MERTK: variants seen among roughly 807,000 people sequenced by gnomAD.
MERTK encodes tyrosine-protein kinase Mer.
Under a neutral mutation model 99.3 loss-of-function variants are expected in MERTK, and 69 were observed. The ratio of observed to expected loss-of-function variants is 0.70; its 90% CI spans 0.57 to 0.85. MERTK has a LOEUF of 0.85. MERTK is among the 40% of genes least tolerant of loss of function. MERTK has a pLI of 0.00. For missense variants in MERTK, 1,125 were observed against 1,249.4 expected, an observed-to-expected ratio of 0.90 and a Z score of 1.50; for synonymous variants, 426 against 467.6, an observed-to-expected ratio of 0.91 and a Z score of 1.15.
At chr2:111,934,324 T>G (rs1298990044) in intron 2 of MERTK, among the ~76,000 whole-genome samples, 1 of 152,224 alleles carries the variant, frequency 6.6e-6, no homozygotes, top group Non-Finnish European at 1.5e-5. Flanking sequence ...GTTAAACTAA[T>G]GTACACTCCC....
At chr2:111,980,991 C>T (rs1416051864) in intron 7 of MERTK, among the ~76,000 whole-genome samples, 1 of 152,136 alleles carries the variant, frequency 6.6e-6, no homozygotes, top group Non-Finnish European at 1.5e-5. Flanking sequence ...GGCAGACATA[C>T]AGACATGTTG....
rs1361963099 is a variant in MERTK, at chr2:112,009,983, A to C, written c.1996A>C (p.Lys666Gln). Reference protein sequence around the residue: ...CIEMSSQGIPKPMVILPFMKY... With the variant: ...CIEMSSQGIPQPMVILPFMKY... Reference sequence around the variant, plus strand: ...AGAAATGAGCTCTCAAGGCATCCCAAAGCCCATGGTAATTTTACCCTTCAT... The same window carrying C: ...AGAAATGAGCTCTCAAGGCATCCCACAGCCCATGGTAATTTTACCCTTCAT... The change falls in exon 15 of 19, where the codon AAG becomes CAG. Residue 666 changes from lysine (K) to glutamine (Q), a missense_variant. Lys to Gln is a moderately conservative substitution (Grantham distance 53). Transcript: ENST00000295408. 7 of 1,613,916 alleles carry C rather than the reference A, an allele frequency of 4.3e-6. No individual in the cohort carries two copies. The highest frequency in any genetic ancestry group is 5.9e-6 in the Non-Finnish European group (7 of 1,179,808).
chr2:111,927,733 T>C (rs1299093851), intron 1 of MERTK, among the ~76,000 whole-genome samples: 1 of 152,186 alleles, frequency 6.6e-6, no homozygotes, highest in Non-Finnish European at 1.5e-5. Flanking sequence ...TCCTGTGTTA[T>C]TTGCTAAATC....
chr2:111,920,658 T>C lies in MERTK; in HGVS notation c.62-8462T>C, dbSNP rs1045046596. On this transcript the variant is annotated intron_variant, in intron 1 of 18. Coordinates refer to ENST00000295408, the MANE Select transcript of MERTK (RefSeq NM_006343.3). ...TGCTACTCTTTATTTTATTTATTTA[T>C]TTATTTATTTTCCGAAACAGAGTCT... 2.6e-5 allele frequency among the ~76,000 whole-genome samples: 4 copies of C among 152,054 alleles called. No homozygotes were observed. In the East Asian group the frequency reaches 5.8e-4, roughly 22 times the overall value.
chr2:112,002,649 G>C (rs1437427558), intron 11 of MERTK, among the ~76,000 whole-genome samples: 3 of 152,094 alleles, frequency 2.0e-5, no homozygotes. Flanking sequence ...TTTTATTACT[G>C]GCATTTTTGG....
chr2:111,907,344 G>T (rs1385339847), intron 1 of MERTK, among the ~76,000 whole-genome samples: 1 of 152,192 alleles, frequency 6.6e-6, no homozygotes, highest in East Asian at 1.9e-4. Context: ...AACCCAGGAG[G>T]CGGAGGTTGC....
chr2:111,980,612 GT>G (rs1008421729), intron 7 of MERTK, among the ~76,000 whole-genome samples: 3 of 152,068 alleles, frequency 2.0e-5, no homozygotes, highest in South Asian at 2.1e-4. Context: ...TAGAGACGGG[GT>G]TTCACCGTGT....
intron 6 of MERTK, among the ~76,000 whole-genome samples, chr2:111,970,449 G>A (rs568979123): frequency 1.1e-4 from 16 of 152,170 alleles, no homozygotes; most frequent in African/African-American, 3.4e-4. Flanking sequence ...GAGCCACCAC[G>A]CCCAGCTGAG....
chr2:111,945,835 A>G (rs1025337899), intron 3 of MERTK, among the ~76,000 whole-genome samples: 8 of 151,950 alleles, frequency 5.3e-5, no homozygotes, highest in African/African-American at 1.9e-4. Flanking sequence ...ACTCCTCACT[A>G]CCCCTGGGGG....
intron 2 of MERTK, among the ~76,000 whole-genome samples, chr2:111,939,543 C>T (rs747432424): frequency 4.6e-5 from 7 of 151,730 alleles, no homozygotes; most frequent in Non-Finnish European, 8.8e-5. Context: ...GTGCAGTGTG[C>T]GATCATAGCC....
chr2:111,947,668 G>A (rs994902332), intron 4 of MERTK, 101 bp downstream of exon 4: 1 of 1,391,284 alleles, frequency 7.2e-7, no homozygotes. Flanking sequence ...AGTGGAGACA[G>A]ATGAAAATAC....
intron 2 of MERTK, 94 bp from the exon 3 acceptor site, chr2:111,944,840 AAGCTGACATATAAAATTAACTATCAC>A: frequency 2.3e-6 from 2 of 851,960 alleles, no homozygotes; most frequent in South Asian, 2.8e-5. Context: ...TGGCCTAGCC[AAGCTGACATATAAAATTAACTATCAC>A]AGCATATGAC....
At chr2:112,016,054 T>A (rs1337988872) in intron 15 of MERTK, among the ~76,000 whole-genome samples, 3 of 152,202 alleles carry the variant, frequency 2.0e-5, no homozygotes, top group Non-Finnish European at 4.4e-5. Context: ...ATTGTCTTGA[T>A]TACTGAAGCT....
intron 4 of MERTK, among the ~76,000 whole-genome samples, chr2:111,954,899 G>A (rs1267136655): frequency 1.3e-5 from 2 of 152,122 alleles, no homozygotes; most frequent in Non-Finnish European, 2.9e-5. Flanking sequence ...AAAGAACTAC[G>A]TAAAAACTTA....
At chr2:112,006,705 C>T (rs1217274512) in intron 13 of MERTK, among the ~76,000 whole-genome samples, 1 of 152,170 alleles carries the variant, frequency 6.6e-6, no homozygotes, top group African/African-American at 2.4e-5. Flanking sequence ...TTCAAAATCC[C>T]CAGGCTCAGC....
At chr2:111,910,371 G>A (rs1394872238) in intron 1 of MERTK, among the ~76,000 whole-genome samples, 1 of 151,824 alleles carries the variant, frequency 6.6e-6, no homozygotes, top group Non-Finnish European at 1.5e-5. Context: ...CTGGGTTCAA[G>A]TGATTCTTCT....
intron 15 of MERTK, among the ~76,000 whole-genome samples, chr2:112,012,008 G>A (rs1677115448): frequency 6.6e-6 from 1 of 152,184 alleles, no homozygotes; most frequent in South Asian, 2.1e-4. Context: ...GCCCAGTGGG[G>A]GCATAGGGGC....
chr2:111,973,910 G>C (rs1676175596), intron 6 of MERTK, among the ~76,000 whole-genome samples: 1 of 144,572 alleles, frequency 6.9e-6, no homozygotes, highest in South Asian at 2.2e-4. Flanking sequence ...TGGAGGGAAA[G>C]ATAAGGCAGT....
chr2:111,912,112 C>T (rs1416761649), intron 1 of MERTK, among the ~76,000 whole-genome samples: 3 of 152,040 alleles, frequency 2.0e-5, no homozygotes, highest in Non-Finnish European at 4.4e-5. Flanking sequence ...AAGTGATTCT[C>T]CTGCCTCAGC....
Sources: gnomAD v4.1 joint callset for allele counts (sites outside exome capture counted in the v4.1 genomes callset) on GRCh38, gnomAD v4.1.1 for gene constraint, MANE v1.5 for transcripts, NCBI Gene and HGNC (gene_info 2026-07-23, HGNC 2026-07-21) for gene names.